Variants in PAX7 observed in about 807,000 individuals in gnomAD.
The protein encoded by PAX7 is paired box protein Pax-7.
PAX7 carries 18 observed loss-of-function variants against 50.7 expected under a neutral mutation model. The ratio of observed to expected loss-of-function variants is 0.36; its 90% CI spans 0.25 to 0.53. The LOEUF (loss-of-function observed/expected upper bound fraction) is 0.53, where lower values mean the gene tolerates loss of function less well. Ranked by LOEUF, PAX7 falls within the 20% of genes least tolerant of loss-of-function variation. PAX7 has a pLI of 0.93. For missense variants in PAX7, 644 were observed against 702.9 expected, an observed-to-expected ratio of 0.92 and a Z score of 0.95; for synonymous variants, 310 against 290.4, an observed-to-expected ratio of 1.07 and a Z score of -0.69.
intron 4 of PAX7, among the ~76,000 whole-genome samples, chr1:18,685,636 C>T (rs921666707): frequency 6.6e-6 from 1 of 152,178 alleles, no homozygotes; most frequent in African/African-American, 2.4e-5. Flanking sequence ...TGTTCAAAGG[C>T]GTCAAAGCAA....
intron 4 of PAX7, among the ~76,000 whole-genome samples, chr1:18,659,002 T>A (rs2088562937): frequency 6.6e-6 from 1 of 152,126 alleles, no homozygotes; most frequent in African/African-American, 2.4e-5. Context: ...TGTGTGTGCA[T>A]GCATGTGTAA....
At chr1:18,654,870 A>G (rs1185485121) in intron 4 of PAX7, among the ~76,000 whole-genome samples, 1 of 152,170 alleles carries the variant, frequency 6.6e-6, no homozygotes, top group Non-Finnish European at 1.5e-5. Flanking sequence ...GGGCTGAAGA[A>G]AGAGGCAAGA....
At chr1:18,706,864 G>A (rs1198767413) in intron 7 of PAX7, among the ~76,000 whole-genome samples, 3 of 151,942 alleles carry the variant, frequency 2.0e-5, no homozygotes, top group Non-Finnish European at 4.4e-5. Context: ...GGACAGACCC[G>A]GGTTAAGCTA....
At chr1:18,681,164 TAAAAAAAAAAA>T (rs143668000) in intron 4 of PAX7, among the ~76,000 whole-genome samples, 14 of 67,380 alleles carry the variant, frequency 2.1e-4, no homozygotes, top group African/African-American at 3.8e-4. Flanking sequence ...CAAAACTCCG[TAAAAAAAAAAA>T]AAAAAAAAAA....
intron 7 of PAX7, among the ~76,000 whole-genome samples, chr1:18,710,282 C>T (rs572649561): frequency 3.9e-5 from 6 of 152,202 alleles, no homozygotes; most frequent in Admixed American, 6.5e-5. Flanking sequence ...CTCACCACCA[C>T]TTGACTCTCA....
intron 7 of PAX7, among the ~76,000 whole-genome samples, chr1:18,719,976 C>A (rs1346069450): frequency 1.3e-5 from 2 of 152,166 alleles, no homozygotes; most frequent in Non-Finnish European, 2.9e-5. Context: ...ATCATTGTAC[C>A]CATTTTGCAG....
intron 7 of PAX7, among the ~76,000 whole-genome samples, chr1:18,728,276 C>A (rs995882214): frequency 6.6e-6 from 1 of 151,920 alleles, no homozygotes; most frequent in African/African-American, 2.4e-5. Context: ...CTGTGGCCAG[C>A]GGGATGGGTG....
In PAX7 at chr1:18,706,925, C is replaced by T. The variant is rs1392537441; in HGVS notation, c.1155+3629C>T. Among the ~76,000 whole-genome samples, 10 of 152,120 alleles carry T rather than the reference C, an allele frequency of 6.6e-5. No individual in the cohort carries two copies. The East Asian group carries it at 1.9e-3, about 29-fold the overall frequency. On this transcript the variant is annotated intron_variant, in intron 7 of 8. Transcript: ENST00000420770. Reference sequence around the variant, plus strand: ...CTACTACCGTGGGGAAGACATGCCTCCTCCAGTGGCTTGACCCAAGTCCCT... The same window carrying T: ...CTACTACCGTGGGGAAGACATGCCTTCTCCAGTGGCTTGACCCAAGTCCCT...
intron 4 of PAX7, among the ~76,000 whole-genome samples, chr1:18,660,222 G>T (rs992253821): frequency 6.6e-6 from 1 of 152,140 alleles, no homozygotes; most frequent in African/African-American, 2.4e-5. Flanking sequence ...TCCTGGCTCT[G>T]CCACTTGCTG....
intron 5 of PAX7, among the ~76,000 whole-genome samples, chr1:18,698,721 G>C (rs2089179853): frequency 6.6e-6 from 1 of 152,220 alleles, no homozygotes; most frequent in Non-Finnish European, 1.5e-5. Context: ...CCCTGTGGAA[G>C]TGGGGAGAAG....
In PAX7 at chr1:18,726,024, G is replaced by A. The variant is rs1391637322; in HGVS notation, c.1156-9608G>A. Among the ~76,000 whole-genome samples, 5 of 151,304 alleles carry A rather than the reference G, an allele frequency of 3.3e-5. No individual in the cohort carries two copies. The highest frequency in any genetic ancestry group is 2.1e-4 in the South Asian group (1 of 4,666). On this transcript the variant is annotated intron_variant, in intron 7 of 8. Transcript: ENST00000420770. The surrounding 1 kb of genome is among the most constrained non-coding windows in gnomAD (Gnocchi z 4.8). ...CGCGCGCGTGCGCGCGTGTGTGTGCGTGTGTTTGTGTGTGTGTGTGTCTTT... is the reference window on the plus strand; with the variant it reads ...CGCGCGCGTGCGCGCGTGTGTGTGCATGTGTTTGTGTGTGTGTGTGTCTTT...
At chr1:18,656,436 G>C (rs554744218) in intron 4 of PAX7, among the ~76,000 whole-genome samples, 2 of 152,172 alleles carry the variant, frequency 1.3e-5, no homozygotes, top group African/African-American at 4.8e-5. Context: ...GAGGGCAGAG[G>C]TTGCAGCGAG....
chr1:18,713,317 A>G (rs2089378701), intron 7 of PAX7, among the ~76,000 whole-genome samples: 1 of 152,178 alleles, frequency 6.6e-6, no homozygotes, highest in African/African-American at 2.4e-5. Context: ...GTAGGACCAC[A>G]GGCAGCATGG....
At chr1:18,643,275 C>T (rs1446509411) in intron 4 of PAX7, among the ~76,000 whole-genome samples, 1 of 152,132 alleles carries the variant, frequency 6.6e-6, no homozygotes. Context: ...TTTCCCCAGT[C>T]TGAGGGTCAG....
intron 4 of PAX7, among the ~76,000 whole-genome samples, chr1:18,649,504 C>T (rs975821539): frequency 1.5e-4 from 23 of 152,112 alleles, no homozygotes; most frequent in South Asian, 4.1e-4. Flanking sequence ...CTTCTTACCC[C>T]ATCTGGACAA....
At chr1:18,734,956 C>T (rs2089692124) in intron 7 of PAX7, among the ~76,000 whole-genome samples, 1 of 152,212 alleles carries the variant, frequency 6.6e-6, no homozygotes, top group African/African-American at 2.4e-5. Context: ...GTTGCCAGCA[C>T]TGACAGTGAG....
chr1:18,734,833 T>C (rs1002878962), intron 7 of PAX7, among the ~76,000 whole-genome samples: 6 of 152,152 alleles, frequency 3.9e-5, no homozygotes, highest in African/African-American at 1.4e-4. Context: ...AGAGTCACCA[T>C]CCATGCCTGT....
intron 4 of PAX7, among the ~76,000 whole-genome samples, chr1:18,657,928 C>T (rs913190195): frequency 1.6e-4 from 25 of 152,198 alleles, no homozygotes; most frequent in Non-Finnish European, 7.3e-5. Flanking sequence ...ACAAAGGCCC[C>T]AGGGCCCGCA....
At chr1:18,728,217 G>A (rs771255513) in intron 7 of PAX7, among the ~76,000 whole-genome samples, 32 of 152,116 alleles carry the variant, frequency 2.1e-4, no homozygotes, top group Non-Finnish European at 3.2e-4. Flanking sequence ...GTGTGGGTGC[G>A]TGAGGGTCTG....
Sources: allele counts gnomAD v4.1 joint callset (sites outside exome capture counted in the v4.1 genomes callset), GRCh38; gene constraint gnomAD v4.1.1; non-coding constraint Gnocchi (gnomAD v3.1); transcripts MANE v1.5; gene names NCBI Gene and HGNC (gene_info 2026-07-23, HGNC 2026-07-21).